Variants in FAM174A observed in about 807,000 individuals in gnomAD.
FAM174A encodes the protein family with sequence similarity 174 member A.
In FAM174A, 14 loss-of-function variants were observed where a neutral mutation model predicts 14.3. The ratio of observed to expected loss-of-function variants is 0.98; its 90% confidence interval spans 0.65 to 1.53. FAM174A has a LOEUF of 1.53. Ranked by LOEUF, FAM174A falls within the 40% of genes most tolerant of loss-of-function variation. The pLI is 0.00. For missense variants in FAM174A, 241 were observed against 249.6 expected, an observed-to-expected ratio of 0.97 and a Z score of 0.23; for synonymous variants, 108 against 111.4, an observed-to-expected ratio of 0.97 and a Z score of 0.19.
At chr5:100,562,881 G>C (rs996139595) in intron 2 of FAM174A, among the ~76,000 whole-genome samples, 1 of 151,636 alleles carries the variant, frequency 6.6e-6, no homozygotes, top group South Asian at 2.1e-4. Context: ...AATAGAATGG[G>C]GAAAAAAGCC....
chr5:100,557,694 A>G (rs1311101807), intron 1 of FAM174A, among the ~76,000 whole-genome samples: 4 of 151,994 alleles, frequency 2.6e-5, no homozygotes, highest in African/African-American at 7.3e-5. Context: ...GAATTTATCA[A>G]TTTCTTCTAG....
chr5:100,579,204 T>C (rs1746958740), intron 2 of FAM174A, among the ~76,000 whole-genome samples: 1 of 152,176 alleles, frequency 6.6e-6, no homozygotes, highest in Non-Finnish European at 1.5e-5. Flanking sequence ...AAATTCCAGT[T>C]AGTTCAGTTG....
chr5:100,554,586 A>T (rs1440080553), intron 1 of FAM174A, among the ~76,000 whole-genome samples: 1 of 152,038 alleles, frequency 6.6e-6, no homozygotes, highest in Non-Finnish European at 1.5e-5. Context: ...TTGGGATTAC[A>T]GGTGTGAGTA....
At chr5:100,583,603 C>T (rs1747061637) in intron 2 of FAM174A, among the ~76,000 whole-genome samples, 1 of 152,060 alleles carries the variant, frequency 6.6e-6, no homozygotes, top group South Asian at 2.1e-4. Flanking sequence ...TCTTGAATTA[C>T]TCCAAGATCC....
At chr5:100,540,511 T>A (rs1283778856) in intron 1 of FAM174A, among the ~76,000 whole-genome samples, 2 of 152,198 alleles carry the variant, frequency 1.3e-5, no homozygotes, top group Non-Finnish European at 2.9e-5. Context: ...ATCAAATGTT[T>A]TCTATATAAA....
intron 2 of FAM174A, among the ~76,000 whole-genome samples, chr5:100,566,155 T>TATATATATATATATAG (rs1746645117): frequency 2.1e-5 from 3 of 141,322 alleles, no homozygotes. Flanking sequence ...TATATATATA[T>TATATATATATATATAG]ATATATATAT....
At chr5:100,574,802 G>A (rs1746868935) in intron 2 of FAM174A, among the ~76,000 whole-genome samples, 2 of 152,120 alleles carry the variant, frequency 1.3e-5, no homozygotes, top group South Asian at 4.1e-4. Context: ...TCATAAAAGG[G>A]AATTTTTATT....
chr5:100,560,845 G>C (rs939447403), intron 1 of FAM174A, among the ~76,000 whole-genome samples: 11 of 151,976 alleles, frequency 7.2e-5, no homozygotes, highest in African/African-American at 2.7e-4. Flanking sequence ...GGACACTCTT[G>C]TGAAACACAT....
chr5:100,575,715 A>G (rs576703021), intron 2 of FAM174A, among the ~76,000 whole-genome samples: 1 of 152,368 alleles, frequency 6.6e-6, no homozygotes, highest in East Asian at 1.9e-4. Context: ...GCTTCTGCAC[A>G]GCAAAAGAAA....
chr5:100,567,461 T>G (rs1041610269), intron 2 of FAM174A, among the ~76,000 whole-genome samples: 5 of 151,824 alleles, frequency 3.3e-5, no homozygotes, highest in Non-Finnish European at 5.9e-5. Flanking sequence ...TCATCTTCAG[T>G]TTTCCTTCTA....
intron 2 of FAM174A, among the ~76,000 whole-genome samples, chr5:100,570,675 G>A (rs73164275): frequency 0.059 from 9,019 of 151,812 alleles, 903 homozygotes; most frequent in African/African-American, 0.2. Flanking sequence ...GATTGCAGAG[G>A]GAATTAAGAT....
chr5:100,551,649 T>G (rs1040954220), intron 1 of FAM174A, among the ~76,000 whole-genome samples: 1 of 152,150 alleles, frequency 6.6e-6, no homozygotes, highest in African/African-American at 2.4e-5. Context: ...TGCAAAAAAG[T>G]ACAAGTGGGC....
At chr5:100,552,224 T>A (rs1481290605) in intron 1 of FAM174A, among the ~76,000 whole-genome samples, 2 of 152,214 alleles carry the variant, frequency 1.3e-5, no homozygotes, top group Non-Finnish European at 2.9e-5. Context: ...TAATTTTTAT[T>A]CATTTATGTT....
chr5:100,559,044 A>G (rs1301384241), intron 1 of FAM174A, among the ~76,000 whole-genome samples: 1 of 152,032 alleles, frequency 6.6e-6, no homozygotes, highest in Non-Finnish European at 1.5e-5. Context: ...GAGGGTCTTT[A>G]CAGTTTAGCA....
chr5:100,555,504 A>C (rs1348686248), intron 1 of FAM174A, among the ~76,000 whole-genome samples: 3 of 152,214 alleles, frequency 2.0e-5, no homozygotes, highest in Admixed American at 6.5e-5. Context: ...GAATCGCCAC[A>C]CTGACTTCCA....
chr5:100,542,637 G>A (rs938833250), intron 1 of FAM174A, among the ~76,000 whole-genome samples: 1 of 152,020 alleles, frequency 6.6e-6, no homozygotes, highest in Admixed American at 6.5e-5. Flanking sequence ...CTATGTGTGT[G>A]CTTATAATCC....
At chr5:100,567,088 G>A (rs1205768449) in intron 2 of FAM174A, among the ~76,000 whole-genome samples, 1 of 151,736 alleles carries the variant, frequency 6.6e-6, no homozygotes, top group African/African-American at 2.4e-5. Context: ...CAAGATGTAG[G>A]TCCTGTTTCG....
rs148909384 is a variant in FAM174A at position 100,570,722 on chromosome 5, G to A, written c.569+8534G>A. 1.4e-3 allele frequency among the ~76,000 whole-genome samples: 219 copies of A among 151,906 alleles called. 1 individual carries two copies. The highest frequency in any genetic ancestry group is 5.0e-3 in the African/African-American group (209 of 41,492). On this transcript the variant is annotated intron_variant, in intron 2 of 2. Transcript: ENST00000312637. ...GGATTTTAAAATAGTTGGATATCCC[G>A]GATTATATGCATATAATATATCAAA...
intron 2 of FAM174A, among the ~76,000 whole-genome samples, chr5:100,570,822 T>C (rs913813379): frequency 2.0e-5 from 3 of 152,024 alleles, no homozygotes; most frequent in Non-Finnish European, 4.4e-5. Flanking sequence ...AGGTTAGCTG[T>C]CAGTTTTTTT....
Sources: allele counts gnomAD v4.1 joint callset (sites outside exome capture counted in the v4.1 genomes callset), GRCh38; gene constraint gnomAD v4.1.1; transcripts MANE v1.5; gene names NCBI Gene and HGNC (gene_info 2026-07-23, HGNC 2026-07-21).